The following TMEM131L variants were observed in gnomAD, a reference collection of about 807,000 sequenced individuals.
TMEM131L encodes the protein transmembrane protein 131-like.
In TMEM131L, 54 loss-of-function variants were observed where a neutral mutation model predicts 192.2. The observed-to-expected ratio is 0.28, with a 90% CI of 0.23 to 0.35. The LOEUF is 0.35. Ranked by LOEUF, TMEM131L falls within the 10% of genes least tolerant of loss-of-function variation. TMEM131L has a pLI of 1.00. For missense variants in TMEM131L, 1,888 were observed against 1,972.9 expected (o/e 0.96, Z 0.82); for synonymous variants, 701 against 704.9 (o/e 0.99, Z 0.09).
intron 2 of TMEM131L, among the ~76,000 whole-genome samples, chr4:153,470,444 C>G: frequency 6.6e-6 from 1 of 150,826 alleles, no homozygotes; most frequent in East Asian, 1.9e-4. Flanking sequence ...CTAGTCATAT[C>G]TTTTTGTTAT....
intron 3 of TMEM131L, among the ~76,000 whole-genome samples, chr4:153,496,975 C>T (rs1733218926): frequency 1.3e-5 from 2 of 152,272 alleles, no homozygotes; most frequent in South Asian, 4.1e-4. Flanking sequence ...ATCCTCCCAC[C>T]TCAGCCTCCC....
rs144212465 is a variant in TMEM131L at position 153,603,832 on chromosome 4, T to C, written c.2820T>C (p.Tyr940=). 36 of 1,606,648 alleles carry C rather than the reference T, an allele frequency of 2.2e-5. No individual in the cohort carries two copies. The highest frequency in any genetic ancestry group is 2.6e-5 in the Non-Finnish European group (31 of 1,177,856). The change falls in exon 25 of 35, where the codon TAT becomes TAC. Residue 940 remains tyrosine (Y), a synonymous_variant. Transcript: ENST00000409959. The stretch of plus-strand genomic sequence containing the variant: ...ATTGCAAGAACTTTCTCGATACATA[T>C]GGCCCCTCTGATAAAGGCAGGGGGA... ...KSNCKNFLDT[Y]GPSDKGRGKN...
intron 3 of TMEM131L, among the ~76,000 whole-genome samples, chr4:153,543,733 G>A (rs1736965622): frequency 6.6e-6 from 1 of 152,186 alleles, no homozygotes; most frequent in South Asian, 2.1e-4. Context: ...AGAGGAAGAT[G>A]GTGGTTGACT....
intron 29 of TMEM131L, among the ~76,000 whole-genome samples, 175 bp from the exon 30 acceptor site, chr4:153,625,972 G>T (rs780600509): frequency 6.6e-6 from 1 of 152,168 alleles, no homozygotes; most frequent in Non-Finnish European, 1.5e-5. Context: ...GTTCATAATT[G>T]TAGTATAATT....
intron 3 of TMEM131L, among the ~76,000 whole-genome samples, chr4:153,493,668 A>G (rs1561128854): frequency 1.3e-5 from 2 of 152,128 alleles, no homozygotes; most frequent in African/African-American, 2.4e-5. Context: ...AAAAAAAGAA[A>G]AAAAACGCTT....
In TMEM131L at chr4:153,587,786, TTA is replaced by T; in HGVS notation, c.1529_1530del (p.Tyr510PhefsTer11). On this transcript the variant is annotated frameshift_variant, in exon 15 of 35. Coordinates refer to ENST00000409959, the MANE Select transcript of TMEM131L (RefSeq NM_001131007.2). LOFTEE classifies it high-confidence loss of function. ...FEVIAHCGMH[Y>X]FMGKSKAGNP... Reference sequence around the variant, plus strand: ...AAGTGATAGCACATTGTGGCATGCATTATTTCATGGGAAAATCAAAAGCAGGT... The same window carrying T: ...AAGTGATAGCACATTGTGGCATGCATTTTCATGGGAAAATCAAAAGCAGGT... 1 of 1,613,562 alleles carries T rather than the reference TTA, an allele frequency of 6.2e-7. No individual in the cohort carries two copies. The highest frequency in any genetic ancestry group is 8.5e-7 in the Non-Finnish European group (1 of 1,179,462).
chr4:153,620,372 C>A (rs1166876519), intron 26 of TMEM131L, among the ~76,000 whole-genome samples: 1 of 152,100 alleles, frequency 6.6e-6, no homozygotes, highest in African/African-American at 2.4e-5. Context: ...ACAACTTGAT[C>A]CTAAGTTGAG....
intron 29 of TMEM131L, 104 bp downstream of exon 29, chr4:153,623,187 C>T: frequency 9.6e-7 from 1 of 1,036,770 alleles, no homozygotes; most frequent in Middle Eastern, 3.2e-4. Context: ...GTGCAGAGGA[C>T]AGATGGGACA....
chr4:153,503,609 GCCGGACTC>G (rs1733757672), intron 3 of TMEM131L, among the ~76,000 whole-genome samples: 1 of 152,100 alleles, frequency 6.6e-6, no homozygotes, highest in African/African-American at 2.4e-5. Context: ...TCATTTCATG[GCCGGACTC>G]AGGACAAAGA....
At chr4:153,472,361 G>A (rs997922990) in intron 2 of TMEM131L, among the ~76,000 whole-genome samples, 1 of 152,102 alleles carries the variant, frequency 6.6e-6, no homozygotes, top group Non-Finnish European at 1.5e-5. Flanking sequence ...GTGTCTGAGG[G>A]GAAAGCATGT....
At chr4:153,503,295 C>T (rs541781679) in intron 3 of TMEM131L, among the ~76,000 whole-genome samples, 8 of 152,216 alleles carry the variant, frequency 5.3e-5, no homozygotes, top group African/African-American at 1.7e-4. Context: ...GGTTATTCCT[C>T]CTTTCTCTGG....
intron 3 of TMEM131L, among the ~76,000 whole-genome samples, chr4:153,518,857 A>G (rs965616360): frequency 6.6e-6 from 1 of 152,134 alleles, no homozygotes; most frequent in South Asian, 2.1e-4. Context: ...TCCTGGTTCT[A>G]TCCTAACGGT....
At chr4:153,503,886 C>T (rs1204013682) in intron 3 of TMEM131L, among the ~76,000 whole-genome samples, 1 of 152,196 alleles carries the variant, frequency 6.6e-6, no homozygotes, top group Non-Finnish European at 1.5e-5. Context: ...AATTAGAAAA[C>T]CTCACTTCTC....
At chr4:153,482,935 G>C (rs1311706046) in intron 3 of TMEM131L, among the ~76,000 whole-genome samples, 2 of 152,018 alleles carry the variant, frequency 1.3e-5, no homozygotes, top group Non-Finnish European at 2.9e-5. Flanking sequence ...GTTTTTACAA[G>C]CACCAGGGTG....
chr4:153,467,978 AC>A (rs1363433832), intron 2 of TMEM131L, among the ~76,000 whole-genome samples: 2 of 152,190 alleles, frequency 1.3e-5, no homozygotes, highest in Non-Finnish European at 2.9e-5. Flanking sequence ...AATGTTGTTG[AC>A]TGCCTTTCAC....
chr4:153,526,040 G>A (rs1201927341), intron 3 of TMEM131L, among the ~76,000 whole-genome samples: 2 of 151,806 alleles, frequency 1.3e-5, no homozygotes, highest in East Asian at 3.9e-4. Context: ...TGTATTTTTA[G>A]TAGAGATGGG....
chr4:153,508,671 T>G (rs1387319382), intron 3 of TMEM131L, among the ~76,000 whole-genome samples: 1 of 151,848 alleles, frequency 6.6e-6, no homozygotes, highest in Non-Finnish European at 1.5e-5. Context: ...TTTAATGTTT[T>G]TTTTTAATTT....
chr4:153,549,851 T>C (rs1350872253), intron 3 of TMEM131L, among the ~76,000 whole-genome samples: 2 of 152,246 alleles, frequency 1.3e-5, no homozygotes, highest in Admixed American at 6.5e-5. Context: ...TTAAAAAATC[T>C]GTACATTTGA....
chr4:153,624,261 G>A (rs1478644464), intron 29 of TMEM131L, among the ~76,000 whole-genome samples: 2 of 152,040 alleles, frequency 1.3e-5, no homozygotes, highest in African/African-American at 4.8e-5. Flanking sequence ...TGGGGTTACA[G>A]GCATGTGCCA....
Sources: gnomAD v4.1 joint callset for allele counts (sites outside exome capture counted in the v4.1 genomes callset) on GRCh38, gnomAD v4.1.1 for gene constraint, MANE v1.5 for transcripts, NCBI Gene and HGNC (gene_info 2026-07-23, HGNC 2026-07-21) for gene names.